The following FAT3 variants were observed in gnomAD, a reference collection of about 807,000 sequenced individuals.
The protein encoded by FAT3 is FAT atypical cadherin 3, also known as protocadherin Fat 3.
In FAT3, 95 loss-of-function variants were observed where a neutral mutation model predicts 310.2. That is an observed-to-expected ratio of 0.31 (90% CI 0.26 to 0.36). FAT3 has a LOEUF of 0.36. Among genes scored for constraint, FAT3 ranks in the 10% least tolerant of loss-of-function variants. FAT3 has a pLI of 1.00. For missense variants in FAT3, 5,408 were observed against 5,715.6 expected (o/e 0.95, Z 1.74); for synonymous variants, 2,314 against 2,192.9 (o/e 1.06, Z -1.54).
At chr11:92,589,798 G>T (rs747894339) in intron 3 of FAT3, among the ~76,000 whole-genome samples, 1 of 152,092 alleles carries the variant, frequency 6.6e-6, no homozygotes, top group South Asian at 2.1e-4. Flanking sequence ...ATATTGTGAG[G>T]CTGCTGTCTA....
chr11:92,814,341 G>A (rs907809366), intron 13 of FAT3, among the ~76,000 whole-genome samples: 5 of 152,102 alleles, frequency 3.3e-5, no homozygotes, highest in African/African-American at 1.2e-4. Flanking sequence ...ATATATTATT[G>A]CTTTTAGCCA....
intron 1 of FAT3, among the ~76,000 whole-genome samples, chr11:92,252,696 G>A (rs1446519893): frequency 6.6e-6 from 1 of 152,054 alleles, no homozygotes; most frequent in Non-Finnish European, 1.5e-5. Flanking sequence ...TTGCTGGTGT[G>A]AAAGCTGTTT....
At chr11:92,459,189 A>T (rs774768556) in intron 2 of FAT3, among the ~76,000 whole-genome samples, 1 of 152,174 alleles carries the variant, frequency 6.6e-6, no homozygotes, top group Non-Finnish European at 1.5e-5. Context: ...AGCCCTGGGC[A>T]CATGTGAGCA....
chr11:92,431,906 G>A (rs1279289251), intron 2 of FAT3, among the ~76,000 whole-genome samples: 1 of 152,154 alleles, frequency 6.6e-6, no homozygotes, highest in Non-Finnish European at 1.5e-5. Flanking sequence ...CTGTGGCCTT[G>A]TAGTATAGTT....
chr11:92,402,193 G>A (rs1477491067), intron 2 of FAT3, among the ~76,000 whole-genome samples: 2 of 152,056 alleles, frequency 1.3e-5, no homozygotes, highest in African/African-American at 2.4e-5. Context: ...CACAATAATG[G>A]AAATAAAGAA....
chr11:92,601,330 C>T (rs1402685497), intron 3 of FAT3, among the ~76,000 whole-genome samples: 2 of 151,188 alleles, frequency 1.3e-5, no homozygotes, highest in East Asian at 3.9e-4. Flanking sequence ...GAAGCTGAGG[C>T]GGGCAGATCA....
intron 1 of FAT3, among the ~76,000 whole-genome samples, chr11:92,328,274 A>AAT (rs2134522348): frequency 6.6e-6 from 1 of 152,310 alleles, no homozygotes; most frequent in African/African-American, 2.4e-5. Context: ...TATTTGATTA[A>AAT]AGCAGTAGAA....
intron 2 of FAT3, among the ~76,000 whole-genome samples, chr11:92,369,923 G>T (rs1949139979): frequency 6.6e-6 from 1 of 152,096 alleles, no homozygotes; most frequent in African/African-American, 2.4e-5. Flanking sequence ...CGGAGCAGTT[G>T]GCTGTTGAAA....
At chr11:92,548,708 T>C (rs1339630990) in intron 3 of FAT3, among the ~76,000 whole-genome samples, 1 of 152,230 alleles carries the variant, frequency 6.6e-6, no homozygotes, top group Admixed American at 6.5e-5. Flanking sequence ...ATCACCTCAG[T>C]AAAAGATCTT....
intron 2 of FAT3, among the ~76,000 whole-genome samples, chr11:92,418,441 C>A (rs1372247218): frequency 1.7e-5 from 2 of 119,976 alleles, no homozygotes. Context: ...CCCCCACACA[C>A]ACACAGAGAA....
chr11:92,379,543 T>C (rs1050104034), intron 2 of FAT3, among the ~76,000 whole-genome samples: 6 of 152,122 alleles, frequency 3.9e-5, no homozygotes, highest in Non-Finnish European at 2.9e-5. Context: ...AAAATCACTG[T>C]TGGATTGTAG....
chr11:92,562,349 G>T (rs112965566), intron 3 of FAT3, among the ~76,000 whole-genome samples: 5 of 151,728 alleles, frequency 3.3e-5, no homozygotes, highest in African/African-American at 9.7e-5. Context: ...TGTTTCTCAC[G>T]TATTTTCCCT....
chr11:92,799,779 C>A lies in FAT3; in HGVS notation c.6766C>A (p.Leu2256Met). Residue 2256 changes from leucine (L) to methionine (M), a missense_variant, in exon 10 of 28, where the codon CTG (leucine) becomes ATG (methionine). Leu to Met is a conservative substitution (Grantham distance 15). Coordinates refer to ENST00000525166, the MANE Select transcript of FAT3 (RefSeq NM_001367949.2). Reference sequence around the variant, plus strand: ...TTATGAAGTTACATCTGCTTACAAGCTGACAATAAGAGCCAGCGACGCCCT... The same window carrying A: ...TTATGAAGTTACATCTGCTTACAAGATGACAATAAGAGCCAGCGACGCCCT... ...LDYEVTSAYK[L>M]TIRASDALTG... The A allele has an allele frequency of 6.2e-7, 1 of 1,612,778 alleles. No individual in the cohort carries two copies. The highest frequency in any genetic ancestry group is 8.5e-7 in the Non-Finnish European group (1 of 1,179,370).
In FAT3 at chr11:92,880,857, A is replaced by T. The variant is rs757406691; in HGVS notation, c.12254A>T (p.Asn4085Ile). 1 of 1,613,972 alleles carries T rather than the reference A, an allele frequency of 6.2e-7. No homozygotes were observed. The highest frequency in any genetic ancestry group is 2.2e-5 in the East Asian group (1 of 44,872). ...CCAATAGGAAACACTTTCATCTGCA[A>T]TTGTAAAGCTGGGCTCACTGGAGTC... ...CDPIGNTFIC[N>I]CKAGLTGVTC... Residue 4085 changes from asparagine to isoleucine, a missense_variant, in exon 23 of 28, where the codon AAT (asparagine) becomes ATT (isoleucine). Physicochemically the swap from Asn to Ile is moderately radical, Grantham distance 149. Coordinates refer to ENST00000525166, the MANE Select transcript of FAT3 (RefSeq NM_001367949.2).
At chr11:92,479,565 T>A (rs1264350567) in intron 2 of FAT3, among the ~76,000 whole-genome samples, 1 of 152,194 alleles carries the variant, frequency 6.6e-6, no homozygotes, top group African/African-American at 2.4e-5. Flanking sequence ...AAATACAAGC[T>A]GTCCTTCCCA....
At chr11:92,429,309 G>T (rs554862152) in intron 2 of FAT3, among the ~76,000 whole-genome samples, 1 of 152,098 alleles carries the variant, frequency 6.6e-6, no homozygotes, top group South Asian at 2.1e-4. Context: ...ATACAGCAAA[G>T]GGATGGGACT....
chr11:92,267,603 C>T (rs1946004834), intron 1 of FAT3, among the ~76,000 whole-genome samples: 1 of 151,718 alleles, frequency 6.6e-6, no homozygotes, highest in Non-Finnish European at 1.5e-5. Context: ...GGAAATGATC[C>T]CAAAGAAAAT....
At chr11:92,704,955 T>C (rs912914567) in intron 4 of FAT3, among the ~76,000 whole-genome samples, 13 of 152,190 alleles carry the variant, frequency 8.5e-5, no homozygotes, top group Non-Finnish European at 1.5e-4. Flanking sequence ...GTTCCCGTGC[T>C]TCATGCTCCA....
At chr11:92,684,266 G>A (rs371696384) in intron 3 of FAT3, among the ~76,000 whole-genome samples, 4 of 152,144 alleles carry the variant, frequency 2.6e-5, no homozygotes, top group African/African-American at 2.4e-5. Context: ...CTGCTAAATG[G>A]CTGAAAATGT....
Sources: allele counts gnomAD v4.1 joint callset (sites outside exome capture counted in the v4.1 genomes callset), GRCh38; gene constraint gnomAD v4.1.1; transcripts MANE v1.5; gene names NCBI Gene and HGNC (gene_info 2026-07-23, HGNC 2026-07-21).